Variants in KIAA0825 observed in about 807,000 individuals in gnomAD.
KIAA0825 encodes uncharacterized protein KIAA0825.
In KIAA0825, 119 loss-of-function variants were observed where a neutral mutation model predicts 147.6. The observed-to-expected ratio is 0.81, with a 90% CI of 0.69 to 0.94. The LOEUF is 0.94. Ranked by LOEUF, KIAA0825 falls within the 40% of genes least tolerant of loss-of-function variation. KIAA0825 has a pLI of 0.00. For missense variants in KIAA0825, 1,381 were observed against 1,472.7 expected, an observed-to-expected ratio of 0.94 and a Z score of 1.02; for synonymous variants, 470 against 518.1, an observed-to-expected ratio of 0.91 and a Z score of 1.26.
At chr5:94,384,497 T>C (rs1422080052) in intron 19 of KIAA0825, 39 bp from the exon 20 acceptor site, 1 of 1,445,066 alleles carries the variant, frequency 6.9e-7, no homozygotes, top group East Asian at 2.5e-5. Context: ...TTGTTAGTTA[T>C]TAATCAGAGT....
At chr5:94,373,233 A>G (rs1057275586) in intron 20 of KIAA0825, among the ~76,000 whole-genome samples, 3 of 152,042 alleles carry the variant, frequency 2.0e-5, no homozygotes, top group Non-Finnish European at 4.4e-5. Context: ...AACTGTTCCA[A>G]CGTCTGCCTG....
chr5:94,278,797 A>C (rs1777334993), intron 20 of KIAA0825, among the ~76,000 whole-genome samples: 1 of 151,652 alleles, frequency 6.6e-6, no homozygotes, highest in African/African-American at 2.4e-5. Flanking sequence ...ATGCATCATT[A>C]AATGATAATT....
At chr5:94,220,979 T>A (rs1235677141) in intron 20 of KIAA0825, among the ~76,000 whole-genome samples, 2 of 152,246 alleles carry the variant, frequency 1.3e-5, no homozygotes, top group African/African-American at 2.4e-5. Context: ...AACCACTGAT[T>A]CATTTTTGTG....
chr5:94,600,571 T>C (rs1223892600), intron 1 of KIAA0825, among the ~76,000 whole-genome samples: 1 of 152,168 alleles, frequency 6.6e-6, no homozygotes, highest in Non-Finnish European at 1.5e-5. Context: ...AATATATATT[T>C]AGTATTACCA....
chr5:94,317,543 TA>T (rs1396647344), intron 20 of KIAA0825, among the ~76,000 whole-genome samples: 1 of 151,836 alleles, frequency 6.6e-6, no homozygotes, highest in Non-Finnish European at 1.5e-5. Flanking sequence ...GGCTATAACT[TA>T]AAGACAATTT....
intron 20 of KIAA0825, among the ~76,000 whole-genome samples, chr5:94,256,601 T>C (rs1776265963): frequency 1.3e-5 from 2 of 152,172 alleles, no homozygotes; most frequent in South Asian, 4.1e-4. Flanking sequence ...TTTTAAAGTA[T>C]TATTAATAAA....
chr5:94,560,423 T>G (rs6898585), intron 2 of KIAA0825, among the ~76,000 whole-genome samples: 1 of 151,944 alleles, frequency 6.6e-6, no homozygotes, highest in African/African-American at 2.4e-5. Context: ...TTTACCTAAT[T>G]GCCCTGTTTC....
chr5:94,450,718 G>A (rs1378625953), intron 13 of KIAA0825, among the ~76,000 whole-genome samples: 2 of 152,134 alleles, frequency 1.3e-5, no homozygotes, highest in Non-Finnish European at 2.9e-5. Context: ...AGTGAATTTT[G>A]GAGGATACAT....
chr5:94,359,349 A>G (rs987507554), intron 20 of KIAA0825, among the ~76,000 whole-genome samples: 14 of 152,216 alleles, frequency 9.2e-5, no homozygotes, highest in Non-Finnish European at 1.6e-4. Context: ...TATTTTGCTG[A>G]CCTAAAATAA....
intron 20 of KIAA0825, among the ~76,000 whole-genome samples, chr5:94,214,010 C>A (rs1307053703): frequency 2.0e-5 from 3 of 152,224 alleles, no homozygotes; most frequent in South Asian, 2.1e-4. Flanking sequence ...ACATCACATT[C>A]ACAATGATTT....
chr5:94,310,214 G>A (rs1200259947), intron 20 of KIAA0825, among the ~76,000 whole-genome samples: 2 of 151,526 alleles, frequency 1.3e-5, no homozygotes, highest in Non-Finnish European at 3.0e-5. Context: ...TATTCTCATT[G>A]CCAGTTGGTG....
At chr5:94,468,687 T>TTATTA (rs1258859431) in intron 10 of KIAA0825, among the ~76,000 whole-genome samples, 2 of 152,212 alleles carry the variant, frequency 1.3e-5, no homozygotes, top group Admixed American at 1.3e-4. Context: ...TGCTCCTCTC[T>TTATTA]GTTGTAGCAA....
intron 2 of KIAA0825, among the ~76,000 whole-genome samples, chr5:94,564,993 C>CCTCTCTCTCTCTCTCCCTCTCTCTCT (rs1778371647): frequency 7.9e-6 from 1 of 125,862 alleles, no homozygotes; most frequent in Admixed American, 8.2e-5. Context: ...CTTCTCTTCT[C>CCTCTCTCTCTCTCTCCCTCTCTCTCT]CTCTCTCTCT....
At chr5:94,497,681 C>T (rs915670946) in intron 5 of KIAA0825, among the ~76,000 whole-genome samples, 1 of 152,180 alleles carries the variant, frequency 6.6e-6, no homozygotes, top group Non-Finnish European at 1.5e-5. Context: ...TGGACACCCA[C>T]CTAATCAGTT....
At chr5:94,463,655 T>C (rs975726083) in intron 11 of KIAA0825, among the ~76,000 whole-genome samples, 2 of 151,492 alleles carry the variant, frequency 1.3e-5, no homozygotes, top group South Asian at 2.1e-4. Context: ...ATTTTACTTA[T>C]AAAAACTAGA....
intron 5 of KIAA0825, among the ~76,000 whole-genome samples, chr5:94,514,504 A>G (rs977502807): frequency 5.3e-5 from 8 of 152,212 alleles, no homozygotes; most frequent in African/African-American, 1.9e-4. Context: ...TCTTCAAATT[A>G]TTGAAGGATT....
At chr5:94,450,755 C>T (rs898410653) in intron 13 of KIAA0825, among the ~76,000 whole-genome samples, 4 of 152,192 alleles carry the variant, frequency 2.6e-5, no homozygotes, top group Non-Finnish European at 5.9e-5. Flanking sequence ...CTAAACACTA[C>T]ATACTAGCAC....
At chr5:94,569,783 C>A (rs1779552573) in intron 2 of KIAA0825, 1 of 231,332 alleles carries the variant, frequency 4.3e-6, no homozygotes, top group African/African-American at 2.3e-5. Context: ...CATCCGCTAC[C>A]TCCACGCTAA....
At chr5:94,281,483 G>A (rs1180909098) in intron 20 of KIAA0825, among the ~76,000 whole-genome samples, 1 of 152,112 alleles carries the variant, frequency 6.6e-6, no homozygotes, top group African/African-American at 2.4e-5. Flanking sequence ...ATCTCTGTGG[G>A]TGAGGCCTAA....
Sources: allele counts gnomAD v4.1 joint callset (sites outside exome capture counted in the v4.1 genomes callset), GRCh38; gene constraint gnomAD v4.1.1; transcripts MANE v1.5; gene names NCBI Gene and HGNC (gene_info 2026-07-23, HGNC 2026-07-21).